The following DGKB variants were observed in gnomAD, a reference collection of about 807,000 sequenced individuals.
The protein encoded by DGKB is 90 kDa diacylglycerol kinase.
DGKB carries 67 observed loss-of-function variants against 114.3 expected under a neutral mutation model. The observed-to-expected ratio is 0.59, with a 90% CI of 0.48 to 0.72. The LOEUF (loss-of-function observed/expected upper bound fraction) is 0.72, where lower values mean the gene tolerates loss of function less well. Ranked by LOEUF, DGKB falls within the 30% of genes least tolerant of loss-of-function variation. The probability of loss-of-function intolerance (pLI) is 0.00; values close to 1 mark genes in which losing one functional copy is unlikely to be tolerated. For synonymous variants in DGKB, 398 were observed against 323.1 expected (o/e 1.23, Z -2.49); for missense variants, 907 against 975.2 (o/e 0.93, Z 0.93).
intron 1 of DGKB, among the ~76,000 whole-genome samples, chr7:14,880,866 A>C (rs901209047): frequency 1.3e-5 from 2 of 152,164 alleles, no homozygotes; most frequent in Non-Finnish European, 2.9e-5. Flanking sequence ...CTACTAATTC[A>C]ACCATATTCC....
chr7:14,827,169 T>A (rs953384048), intron 2 of DGKB, among the ~76,000 whole-genome samples: 4 of 152,190 alleles, frequency 2.6e-5, no homozygotes, highest in African/African-American at 9.7e-5. Context: ...ATTCTAGGTG[T>A]ATTTTTGATT....
intron 1 of DGKB, among the ~76,000 whole-genome samples, chr7:14,944,298 A>G (rs1198611293): frequency 6.6e-6 from 1 of 151,882 alleles, no homozygotes; most frequent in African/African-American, 2.4e-5. Flanking sequence ...TTTAACACCA[A>G]TAGCAAGTAA....
intron 6 of DGKB, among the ~76,000 whole-genome samples, chr7:14,702,011 A>C (rs1585791626): frequency 6.6e-6 from 1 of 152,196 alleles, no homozygotes; most frequent in African/African-American, 2.4e-5. Flanking sequence ...AAGATCATTA[A>C]ATGTCAACTC....
intron 23 of DGKB, among the ~76,000 whole-genome samples, chr7:14,326,217 A>G (rs1241172809): frequency 6.6e-6 from 1 of 152,210 alleles, no homozygotes; most frequent in Admixed American, 6.6e-5. Flanking sequence ...AGTGGAAAAG[A>G]AAGCTGAAGG....
chr7:14,779,073 T>C (rs1451961266), intron 2 of DGKB, among the ~76,000 whole-genome samples: 1 of 152,020 alleles, frequency 6.6e-6, no homozygotes, highest in Non-Finnish European at 1.5e-5. Flanking sequence ...GGAGAATTGC[T>C]TGAACATGGG....
At chr7:14,655,423 T>C (rs1815564165) in intron 13 of DGKB, among the ~76,000 whole-genome samples, 1 of 151,852 alleles carries the variant, frequency 6.6e-6, no homozygotes, top group African/African-American at 2.4e-5. Context: ...AGGGAATTCA[T>C]ACATTGTTGG....
At chr7:14,200,404 G>A (rs1407511091) in intron 23 of DGKB, among the ~76,000 whole-genome samples, 1 of 151,868 alleles carries the variant, frequency 6.6e-6, no homozygotes, top group East Asian at 1.9e-4. Flanking sequence ...TAATCACTAG[G>A]AATATTTTAG....
chr7:14,688,001 A>C (rs1822018756), intron 9 of DGKB, among the ~76,000 whole-genome samples: 1 of 152,248 alleles, frequency 6.6e-6, no homozygotes, highest in Non-Finnish European at 1.5e-5. Flanking sequence ...ATACATTGCC[A>C]AAATATGCAA....
chr7:14,436,248 C>A (rs545314477), intron 21 of DGKB, among the ~76,000 whole-genome samples: 1 of 152,076 alleles, frequency 6.6e-6, no homozygotes, highest in South Asian at 2.1e-4. Flanking sequence ...GAAAATAAAT[C>A]AGAGAACTTT....
At chr7:14,209,213 C>A (rs1787341933) in intron 23 of DGKB, 1 of 274,516 alleles carries the variant, frequency 3.6e-6, no homozygotes, top group Admixed American at 5.0e-5. Context: ...CATCACCATT[C>A]ATCAATTTTT....
chr7:14,524,362 A>T (rs375650913), intron 20 of DGKB, among the ~76,000 whole-genome samples: 3 of 152,278 alleles, frequency 2.0e-5, no homozygotes, highest in African/African-American at 7.2e-5. Flanking sequence ...CTTTTCCTAG[A>T]TACTTGCCAG....
At chr7:14,304,087 A>ACACACACACACACACACT (rs140836395) in intron 23 of DGKB, among the ~76,000 whole-genome samples, 7 of 110,122 alleles carry the variant, frequency 6.4e-5, no homozygotes, top group African/African-American at 1.8e-4. Context: ...ACACACACAC[A>ACACACACACACACACACT]CTCTCTCTCT....
At chr7:14,931,731 C>A (rs1785028873) in intron 1 of DGKB, among the ~76,000 whole-genome samples, 1 of 152,066 alleles carries the variant, frequency 6.6e-6, no homozygotes, top group Non-Finnish European at 1.5e-5. Context: ...CCAGTCACTT[C>A]CAGCAGTTTG....
At chr7:14,418,596 T>G (rs2128758379) in intron 21 of DGKB, among the ~76,000 whole-genome samples, 1 of 151,904 alleles carries the variant, frequency 6.6e-6, no homozygotes, top group Admixed American at 6.6e-5. Context: ...TCAGTCCATT[T>G]ATTTCTTTTT....
chr7:14,879,459 T>C (rs1853877687), intron 1 of DGKB, among the ~76,000 whole-genome samples: 1 of 152,224 alleles, frequency 6.6e-6, no homozygotes, highest in African/African-American at 2.4e-5. Flanking sequence ...GGCTATTTCA[T>C]ACGTTATCTT....
At chr7:14,821,740 G>C (rs953179365) in intron 2 of DGKB, among the ~76,000 whole-genome samples, 7 of 152,104 alleles carry the variant, frequency 4.6e-5, no homozygotes, top group African/African-American at 1.7e-4. Flanking sequence ...GAATGACATA[G>C]TTGGATTTAT....
At chr7:14,347,399 A>G (rs1428619368) in intron 21 of DGKB, among the ~76,000 whole-genome samples, 1 of 152,026 alleles carries the variant, frequency 6.6e-6, no homozygotes, top group African/African-American at 2.4e-5. Flanking sequence ...TCAAAAAATT[A>G]AAAAATAGAA....
chr7:14,267,411 A>G (rs1211119523), intron 23 of DGKB, among the ~76,000 whole-genome samples: 1 of 152,148 alleles, frequency 6.6e-6, no homozygotes, highest in Non-Finnish European at 1.5e-5. Flanking sequence ...CACGTAGAGC[A>G]GAAAGATGAC....
intron 1 of DGKB, among the ~76,000 whole-genome samples, chr7:14,923,072 T>G (rs1214994673): frequency 1.3e-5 from 2 of 152,220 alleles, no homozygotes; most frequent in African/African-American, 4.8e-5. Flanking sequence ...TATCCAATTA[T>G]AAACAGGTAT....
Sources: gnomAD v4.1 joint callset for allele counts (sites outside exome capture counted in the v4.1 genomes callset) on GRCh38, gnomAD v4.1.1 for gene constraint, MANE v1.5 for transcripts, NCBI Gene and HGNC (gene_info 2026-07-23, HGNC 2026-07-21) for gene names.